CHN1: variants seen among roughly 807,000 people sequenced by gnomAD.
The protein encoded by CHN1 is chimerin 1.
Under a neutral mutation model 59.5 loss-of-function variants are expected in CHN1, and 37 were observed. The observed-to-expected ratio is 0.62, with a 90% CI of 0.48 to 0.82. The LOEUF (loss-of-function observed/expected upper bound fraction) is 0.82. Among genes scored for constraint, CHN1 ranks in the 40% least tolerant of loss-of-function variants. The probability of loss-of-function intolerance (pLI) is 0.00; values close to 1 mark genes in which losing one functional copy is unlikely to be tolerated. For synonymous variants in CHN1, 206 were observed against 200.4 expected, an observed-to-expected ratio of 1.03 and a Z score of -0.24; for missense variants, 469 against 571.0, an observed-to-expected ratio of 0.82 and a Z score of 1.82.
intron 3 of CHN1, among the ~76,000 whole-genome samples, chr2:174,934,113 T>C (rs891673733): frequency 1.3e-5 from 2 of 152,206 alleles, no homozygotes; most frequent in Non-Finnish European, 2.9e-5. Flanking sequence ...TTTGGAATGA[T>C]TCACGCACAT....
chr2:174,990,258 TGTGTGAGAGA>T (rs1173068372), intron 1 of CHN1, among the ~76,000 whole-genome samples: 3 of 94,674 alleles, frequency 3.2e-5, no homozygotes, highest in African/African-American at 1.1e-4. Flanking sequence ...TGTGTGTGTG[TGTGTGAGAGA>T]GAGAGAGAGA....
At chr2:174,951,475 C>T (rs909382512) in intron 2 of CHN1, among the ~76,000 whole-genome samples, 8 of 152,020 alleles carry the variant, frequency 5.3e-5, no homozygotes, top group African/African-American at 1.9e-4. Flanking sequence ...ACAGAAACAA[C>T]GAACAAGAAC....
intron 3 of CHN1, among the ~76,000 whole-genome samples, chr2:174,944,473 A>G (rs1015202397): frequency 1.3e-5 from 2 of 152,172 alleles, no homozygotes; most frequent in African/African-American, 4.8e-5. Context: ...GTCATACATC[A>G]TATCTTTTTT....
intron 3 of CHN1, among the ~76,000 whole-genome samples, chr2:174,923,131 C>T (rs1300276096): frequency 2.0e-5 from 3 of 151,716 alleles, no homozygotes; most frequent in Non-Finnish European, 2.9e-5. Context: ...TCGCCTTTAA[C>T]AATATAATTT....
At chr2:174,904,368 T>C (rs1354277994) in intron 5 of CHN1, among the ~76,000 whole-genome samples, 2 of 152,342 alleles carry the variant, frequency 1.3e-5, no homozygotes, top group East Asian at 3.9e-4. Context: ...GCATGTTTTA[T>C]GACTGTTTTT....
chr2:174,941,096 C>CA (rs1465255595), intron 3 of CHN1, among the ~76,000 whole-genome samples: 1 of 152,024 alleles, frequency 6.6e-6, no homozygotes, highest in East Asian at 1.9e-4. Flanking sequence ...CCATACCTAC[C>CA]ATTATTCTTT....
intron 7 of CHN1, among the ~76,000 whole-genome samples, chr2:174,831,001 A>G (rs1011019717): frequency 6.6e-6 from 1 of 152,188 alleles, no homozygotes; most frequent in Admixed American, 6.6e-5. Context: ...CCATACCACA[A>G]ATAAATGATG....
chr2:174,955,202 TTGA>T (rs1260723197), intron 1 of CHN1, among the ~76,000 whole-genome samples: 1 of 35,182 alleles, frequency 2.8e-5, no homozygotes, highest in Non-Finnish European at 5.0e-5. Flanking sequence ...ATATATATAA[TTGA>T]TATATATATA....
At chr2:174,830,963 C>T (rs1685860516) in intron 7 of CHN1, among the ~76,000 whole-genome samples, 1 of 152,060 alleles carries the variant, frequency 6.6e-6, no homozygotes, top group Admixed American at 6.6e-5. Context: ...GAGAGAAATA[C>T]CATAAAAGCC....
chr2:174,949,454 G>A (rs1255342721), intron 2 of CHN1, among the ~76,000 whole-genome samples: 1 of 151,990 alleles, frequency 6.6e-6, no homozygotes, highest in Non-Finnish European at 1.5e-5. Flanking sequence ...AAGTAGCTGG[G>A]AAGCAGTTCC....
chr2:174,929,440 T>C (rs1160308649), intron 3 of CHN1, among the ~76,000 whole-genome samples: 3 of 152,094 alleles, frequency 2.0e-5, no homozygotes, highest in Non-Finnish European at 4.4e-5. Context: ...TAGCCATGCA[T>C]GGTGGCAAGT....
chr2:174,986,125 C>T (rs967971921), intron 1 of CHN1, among the ~76,000 whole-genome samples: 1 of 151,858 alleles, frequency 6.6e-6, no homozygotes, highest in Non-Finnish European at 1.5e-5. Flanking sequence ...ACACTGGATC[C>T]CTATATTATC....
At chr2:174,853,195 C>T (rs1311465011) in intron 6 of CHN1, among the ~76,000 whole-genome samples, 4 of 151,946 alleles carry the variant, frequency 2.6e-5, no homozygotes, top group East Asian at 1.9e-4. Context: ...ACTATGCACC[C>T]GGCAAAGGTC....
intron 8 of CHN1, among the ~76,000 whole-genome samples, chr2:174,816,612 A>G (rs1183009006): frequency 6.6e-6 from 1 of 152,118 alleles, no homozygotes; most frequent in Non-Finnish European, 1.5e-5. Flanking sequence ...GGAGGTTAAA[A>G]CAGACAAAAT....
chr2:175,005,213 G>A lies in CHN1; in HGVS notation c.-301C>T. 1 of 1,213,500 alleles carries A rather than the reference G, an allele frequency of 8.2e-7. No individual in the cohort carries two copies. 75.2% of individuals were successfully genotyped at this position (1,213,500 alleles called of 1,614,324 possible). On this transcript the variant is annotated 5_prime_UTR_variant, in exon 1 of 13. Coordinates refer to ENST00000409900, the MANE Select transcript of CHN1 (RefSeq NM_001822.7). The stretch of plus-strand genomic sequence containing the variant: ...GCGCGCGGGAGGAGGTACCTGCGAG[G>A]CAGGAGGCTTGGCCGCGGCGCAGTG...
At position 174,801,693 on chromosome 2, in the gene CHN1, A is replaced by C. The variant is rs761614241; in HGVS notation, c.1208+14T>G. 6.3e-7 allele frequency: 1 copy of C among 1,596,200 alleles called. No homozygotes were observed. The highest frequency in any genetic ancestry group is 8.6e-7 in the Non-Finnish European group (1 of 1,165,824). On this transcript the variant is annotated intron_variant, in intron 12 of 12. Coordinates refer to ENST00000409900, the MANE Select transcript of CHN1 (RefSeq NM_001822.7). ...GATGCAATACAAGTGTAAGACTCAA[A>C]GTCTATAGCTTGCCTCTTTAGATGT...
intron 8 of CHN1, among the ~76,000 whole-genome samples, chr2:174,818,923 T>A (rs1685375713): frequency 1.4e-5 from 2 of 138,110 alleles, no homozygotes; most frequent in Admixed American, 1.4e-4. Flanking sequence ...GATAACTTTA[T>A]GTTAATAAGA....
rs961621564 is a variant in CHN1 at position 174,821,419 on chromosome 2, T to C, written c.712+3015A>G. ...CTCCCTTTTATAAGGGCCATTATGATTGTGATTATACTAGGCCTCCCTTGA... is the reference window on the plus strand; with the variant it reads ...CTCCCTTTTATAAGGGCCATTATGACTGTGATTATACTAGGCCTCCCTTGA... On this transcript the variant is annotated intron_variant, in intron 8 of 12. Coordinates refer to ENST00000409900, the MANE Select transcript of CHN1 (RefSeq NM_001822.7). 9.2e-5 allele frequency among the ~76,000 whole-genome samples: 14 copies of C among 152,192 alleles called. 1 individual carries two copies. The highest frequency in any genetic ancestry group is 2.7e-4 in the African/African-American group (11 of 41,458).
At chr2:174,917,361 G>A (rs1688877439) in intron 4 of CHN1, among the ~76,000 whole-genome samples, 1 of 151,896 alleles carries the variant, frequency 6.6e-6, no homozygotes, top group South Asian at 2.1e-4. Context: ...TTGAACCCGG[G>A]AGGTGGAGGT....
Sources: gnomAD v4.1 joint callset for allele counts (sites outside exome capture counted in the v4.1 genomes callset) on GRCh38, gnomAD v4.1.1 for gene constraint, MANE v1.5 for transcripts, NCBI Gene and HGNC (gene_info 2026-07-23, HGNC 2026-07-21) for gene names.